CGAS: variants seen among roughly 807,000 people sequenced by gnomAD.
CGAS encodes 2'3'-cGAMP synthase.
CGAS carries 31 observed loss-of-function variants against 34.0 expected under a neutral mutation model. The ratio of observed to expected loss-of-function variants is 0.91; its 90% CI spans 0.69 to 1.23. The LOEUF (loss-of-function observed/expected upper bound fraction) is 1.23, where lower values mean the gene tolerates loss of function less well. Among genes scored for constraint, CGAS ranks in the 50% most tolerant of loss-of-function variants. The pLI is 0.00. For missense variants in CGAS, 597 were observed against 657.6 expected, an observed-to-expected ratio of 0.91 and a Z score of 1.01; for synonymous variants, 266 against 260.0, an observed-to-expected ratio of 1.02 and a Z score of -0.22.
Position 73,445,515 on chromosome 6 carries a change from G to C in CGAS, c.877+13C>G. 1 of 1,569,864 alleles carries C rather than the reference G, an allele frequency of 6.4e-7. No homozygotes were observed. The highest frequency in any genetic ancestry group is 8.7e-7 in the Non-Finnish European group (1 of 1,153,284). On this transcript the variant is annotated intron_variant, in intron 2 of 4. Transcript: ENST00000370315. ...TAATTAAACCTTTAAGAATCAAAAG[G>C]CAAAAGTCTTACCTTTAATGTCGTT...
intron 3 of CGAS, among the ~76,000 whole-genome samples, chr6:73,429,882 C>T (rs562235911): frequency 1.5e-4 from 23 of 152,046 alleles, no homozygotes; most frequent in African/African-American, 5.5e-4. Context: ...ATGCTCTGAC[C>T]ACCCTGTTAC....
chr6:73,436,526 T>C (rs1317327246), intron 3 of CGAS, among the ~76,000 whole-genome samples: 1 of 151,582 alleles, frequency 6.6e-6, no homozygotes, highest in African/African-American at 2.4e-5. Flanking sequence ...AAGGGACACC[T>C]TTTTCTTTGT....
intron 3 of CGAS, among the ~76,000 whole-genome samples, chr6:73,435,781 A>T (rs1770271290): frequency 1.2e-4 from 1 of 8,258 alleles, no homozygotes; most frequent in Non-Finnish European, 4.4e-4. Flanking sequence ...TCTACTTTAA[A>T]AAAAAAAAAA....
rs148611948 is a variant in CGAS at position 73,440,318 on chromosome 6, T to C, written c.1005A>G (p.Gln335=). The stretch of plus-strand genomic sequence containing the variant: ...GCCAGTTTTGAATGCGCAGGCCTTC[T>C]TGGGTGCTAGCAGGCCAGCTACTTT... ...ESKSSWPAST[Q]EGLRIQNWLS... is the part of the protein sequence containing the mutation. Residue 335 remains glutamine, a synonymous_variant, in exon 3 of 5, where the codon CAA becomes CAG. Transcript: ENST00000370315. The C allele has an allele frequency of 2.4e-5, 39 of 1,614,134 alleles. No individual in the cohort carries two copies. Among genetic ancestry groups the C allele is most frequent in the Non-Finnish European group, 3.2e-5 (38 of 1,180,048 alleles).
In CGAS at chr6:73,445,509, C is replaced by A; in HGVS notation, c.877+19G>T. The A allele has an allele frequency of 2.6e-6, 4 of 1,549,628 alleles. No individual in the cohort carries two copies. The highest frequency in any genetic ancestry group is 2.4e-5 in the South Asian group (2 of 84,608). On this transcript the variant is annotated intron_variant, in intron 2 of 4. Transcript: ENST00000370315. The stretch of plus-strand genomic sequence containing the variant: ...TAGGTATAATTAAACCTTTAAGAAT[C>A]AAAAGGCAAAAGTCTTACCTTTAAT...
chr6:73,448,409 AAAC>A (rs1351234949), intron 1 of CGAS, among the ~76,000 whole-genome samples: 1 of 152,166 alleles, frequency 6.6e-6, no homozygotes, highest in African/African-American at 2.4e-5. Flanking sequence ...AAACAAAACA[AAAC>A]AAAAAACAAA....
In CGAS at chr6:73,440,770, C is replaced by T. The variant is rs562433942; in HGVS notation, c.878-325G>A. On this transcript the variant is annotated intron_variant, in intron 2 of 4. Coordinates refer to ENST00000370315, the MANE Select transcript of CGAS (RefSeq NM_138441.3). ...TACAAAAATTAGCCGGGCATGGTGG[C>T]GAATGCCTGTAATCCCAGCTACTCG... Among the ~76,000 whole-genome samples, 5 of 151,984 alleles carry T rather than the reference C, an allele frequency of 3.3e-5. No homozygotes were observed. The South Asian group carries it at 6.3e-4, about 19-fold the overall frequency.
chr6:73,436,411 A>G (rs1057204022), intron 3 of CGAS, among the ~76,000 whole-genome samples: 4 of 149,090 alleles, frequency 2.7e-5, no homozygotes, highest in Non-Finnish European at 5.9e-5. Flanking sequence ...CATGTAATAT[A>G]TTATGTATAA....
chr6:73,443,175 G>T (rs7761170), intron 2 of CGAS, among the ~76,000 whole-genome samples: 11,970 of 150,342 alleles, frequency 0.08, 897 homozygotes, highest in African/African-American at 0.19. Flanking sequence ...TCCAAACACT[G>T]ACCGCTCCTT....
chr6:73,438,174 A>G (rs1488144058), intron 3 of CGAS, among the ~76,000 whole-genome samples: 1 of 152,258 alleles, frequency 6.6e-6, no homozygotes, highest in Non-Finnish European at 1.5e-5. Context: ...GAAAGAAAAG[A>G]TATAGCAGGT....
chr6:73,426,954 G>A (rs1200563683), intron 4 of CGAS, among the ~76,000 whole-genome samples: 2 of 151,230 alleles, frequency 1.3e-5, no homozygotes, highest in Admixed American at 1.3e-4. Flanking sequence ...GGGTTCAAGC[G>A]ATTCTCCTGC....
intron 3 of CGAS, among the ~76,000 whole-genome samples, chr6:73,430,343 C>A (rs929148328): frequency 3.9e-5 from 6 of 152,162 alleles, no homozygotes; most frequent in South Asian, 2.1e-4. Context: ...ACAAAAGAAT[C>A]TACAATGCTG....
At chr6:73,438,507 C>T (rs772681719) in intron 3 of CGAS, among the ~76,000 whole-genome samples, 2 of 151,974 alleles carry the variant, frequency 1.3e-5, no homozygotes, top group Non-Finnish European at 2.9e-5. Flanking sequence ...ACCATCCTGG[C>T]CAACATAATG....
chr6:73,427,246 T>G lies in CGAS; in HGVS notation c.1217+1463A>C, dbSNP rs567343120. ...GTTGGGCATTTTTGTTTTGACTTTT[T>G]AACTTTTGTGATCTTTATACTGGCC... On this transcript the variant is annotated intron_variant, in intron 4 of 4. Coordinates refer to ENST00000370315, the MANE Select transcript of CGAS (RefSeq NM_138441.3). 6.6e-5 allele frequency among the ~76,000 whole-genome samples: 10 copies of G among 152,064 alleles called. No homozygotes were observed. The East Asian group carries it at 1.9e-3, about 29-fold the overall frequency.
chr6:73,451,981 G>A lies in CGAS; in HGVS notation c.201C>T (p.Asp67=). Residue 67 remains aspartate (D), a synonymous_variant, in exon 1 of 5, where the codon GAC becomes GAT. Transcript: ENST00000370315. ...CGCGGACGGGCGGCCTCTCCTGGGT[G>A]TCCGGGGCGCTCTTTTTCTGCCGGG... The part of the protein sequence containing the change: ...SGSRQKKSAP[D]TQERPPVRAT... 6.8e-7 allele frequency: 1 copy of A among 1,479,830 alleles called. No homozygotes were observed. 91.7% of individuals were successfully genotyped at this position (1,479,830 alleles called of 1,614,324 possible).
chr6:73,451,264 T>TG (rs1280691368), intron 1 of CGAS, among the ~76,000 whole-genome samples: 2 of 152,138 alleles, frequency 1.3e-5, no homozygotes, highest in African/African-American at 4.8e-5. Flanking sequence ...CTTGCATGAA[T>TG]GAACCCATAC....
In CGAS at chr6:73,425,521, T is replaced by G. The variant is rs1166539932; in HGVS notation, c.1275A>C (p.Lys425Asn). The G allele has an allele frequency of 4.3e-6, 7 of 1,611,044 alleles. No homozygotes were observed. Among genetic ancestry groups the G allele is most frequent in the Non-Finnish European group, 5.1e-6 (6 of 1,179,270 alleles). The part of the protein sequence containing the change: ...YLLEQLKERF[K>N]DKKHLDKFSS... Reference sequence around the variant, plus strand: ...AGAATTTATCCAGATGTTTTTTGTCTTTAAACCTTTCTTTCAGCTGTTCTA... The same window carrying G: ...AGAATTTATCCAGATGTTTTTTGTCGTTAAACCTTTCTTTCAGCTGTTCTA... The change falls in exon 5 of 5, where the codon AAA (lysine) becomes AAC (asparagine). Residue 425 changes from lysine (K) to asparagine (N), a missense_variant. Coordinates refer to ENST00000370315, the MANE Select transcript of CGAS (RefSeq NM_138441.3).
intron 3 of CGAS, among the ~76,000 whole-genome samples, chr6:73,431,032 G>A (rs1770187640): frequency 6.6e-6 from 1 of 151,950 alleles, no homozygotes; most frequent in Admixed American, 6.6e-5. Context: ...AATTCAGGAG[G>A]CAGAGGTTGC....
At chr6:73,442,404 C>CTTTT (rs575356584) in intron 2 of CGAS, among the ~76,000 whole-genome samples, 1 of 140,748 alleles carries the variant, frequency 7.1e-6, no homozygotes, top group African/African-American at 2.7e-5. Context: ...CCAGCCCAAA[C>CTTTT]TTTTTTTTTT....
Sources: allele counts gnomAD v4.1 joint callset (sites outside exome capture counted in the v4.1 genomes callset), GRCh38; gene constraint gnomAD v4.1.1; transcripts MANE v1.5; gene names NCBI Gene and HGNC (gene_info 2026-07-23, HGNC 2026-07-21).